The following SOX5 variants were observed in gnomAD, a reference collection of about 807,000 sequenced individuals.
SOX5 encodes SRY-box transcription factor 5, also known as transcription factor SOX-5.
In SOX5, 9 loss-of-function variants were observed where a neutral mutation model predicts 92.0. That is an observed-to-expected ratio of 0.10 (90% CI 0.06 to 0.17). The LOEUF is 0.17. Ranked by LOEUF, SOX5 falls within the 10% of genes least tolerant of loss-of-function variation. The pLI is 1.00. For synonymous variants in SOX5, 344 were observed against 336.3 expected, an observed-to-expected ratio of 1.02 and a Z score of -0.25; for missense variants, 642 against 944.5, an observed-to-expected ratio of 0.68 and a Z score of 4.20.
chr12:24,234,005 G>C (rs751427615), intron 3 of SOX5, among the ~76,000 whole-genome samples: 1 of 151,758 alleles, frequency 6.6e-6, no homozygotes, highest in African/African-American at 2.4e-5. Context: ...TCATGCTCTT[G>C]GTTCATATCC....
At chr12:24,036,972 C>T (rs566131322) in intron 4 of SOX5, among the ~76,000 whole-genome samples, 1 of 152,124 alleles carries the variant, frequency 6.6e-6, no homozygotes, top group East Asian at 1.9e-4. Flanking sequence ...CTTTGCAAGG[C>T]ATGTTATCAA....
intron 3 of SOX5, among the ~76,000 whole-genome samples, chr12:24,256,681 T>C (rs1941245559): frequency 6.6e-6 from 1 of 152,056 alleles, no homozygotes; most frequent in Admixed American, 6.5e-5. Flanking sequence ...GGGGAATGAC[T>C]GACTATCCAT....
chr12:24,049,596 A>G (rs766756973), intron 4 of SOX5, among the ~76,000 whole-genome samples: 25 of 150,684 alleles, frequency 1.7e-4, no homozygotes, highest in Admixed American at 3.3e-4. Context: ...AGTAGGTAAT[A>G]ATCAGATATC....
rs577493678 is a variant in SOX5, at chr12:24,171,825, C to T, written c.-2+41518G>A. ...GCAGCCTGGGCAACACAGCAAGACC[C>T]TGTCTCTATTTTTAAAAAAAAGAAG... On this transcript the variant is annotated intron_variant, in intron 4 of 4. Transcript: ENST00000446891. 7.2e-5 allele frequency among the ~76,000 whole-genome samples: 11 copies of T among 151,990 alleles called. No homozygotes were observed. In the East Asian group the frequency reaches 2.1e-3, roughly 30 times the overall value.
In SOX5 at chr12:23,728,539, A is replaced by G. The variant is rs200977026; in HGVS notation, c.810+6145T>C. Among the ~76,000 whole-genome samples the G allele has an allele frequency of 3.3e-5, 5 of 152,188 alleles. No individual in the cohort carries two copies. The East Asian group carries it at 5.8e-4, about 18-fold the overall frequency. On this transcript the variant is annotated intron_variant, in intron 6 of 14. Transcript: ENST00000451604. ...TCACCTGTAACATTATTATGTTTCA[A>G]TACAATATTTCAATGGATTTCCTTC...
At chr12:24,005,021 C>T (rs879268335) in intron 4 of SOX5, among the ~76,000 whole-genome samples, 23 of 152,072 alleles carry the variant, frequency 1.5e-4, no homozygotes, top group Non-Finnish European at 5.9e-5. Flanking sequence ...CAGAAGACTA[C>T]ATATTGTATG....
At chr12:24,076,697 GCCT>G (rs1942651177) in intron 4 of SOX5, among the ~76,000 whole-genome samples, 1 of 120,378 alleles carries the variant, frequency 8.3e-6, no homozygotes, top group Non-Finnish European at 1.7e-5. Flanking sequence ...ATCCAAAGCT[GCCT>G]TTTTTTTTTT....
intron 7 of SOX5, among the ~76,000 whole-genome samples, chr12:23,643,373 GT>G (rs2080381443): frequency 6.6e-6 from 1 of 152,138 alleles, no homozygotes; most frequent in South Asian, 2.1e-4. Flanking sequence ...AAAGAGTTCT[GT>G]TTTAGATATT....
At chr12:24,463,078 G>A (rs1217667852) in intron 1 of SOX5, among the ~76,000 whole-genome samples, 2 of 152,054 alleles carry the variant, frequency 1.3e-5, no homozygotes, top group African/African-American at 2.4e-5. Context: ...AATTAGCTGG[G>A]CATGGTGGTG....
intron 1 of SOX5, among the ~76,000 whole-genome samples, chr12:24,416,072 A>G (rs12303553): frequency 0.032 from 4,890 of 152,308 alleles, 263 homozygotes; most frequent in African/African-American, 0.11. Context: ...CTGCAGTGAG[A>G]CAGTGGGTGG....
intron 4 of SOX5, among the ~76,000 whole-genome samples, chr12:24,180,426 C>G (rs899910055): frequency 2.0e-5 from 3 of 152,106 alleles, no homozygotes; most frequent in Non-Finnish European, 2.9e-5. Flanking sequence ...ATGAATTAGT[C>G]CCCAGAATCC....
intron 3 of SOX5, among the ~76,000 whole-genome samples, chr12:24,228,923 C>A (rs569456076): frequency 3.0e-4 from 46 of 152,316 alleles, no homozygotes; most frequent in Admixed American, 2.7e-3. Context: ...CACTTAAGAA[C>A]TGCTATAAAT....
intron 2 of SOX5, 148 bp downstream of exon 2, chr12:23,895,643 ATT>A: frequency 1.6e-6 from 1 of 627,462 alleles, no homozygotes; most frequent in South Asian, 2.2e-5. Context: ...ATTGGAACAA[ATT>A]TAAAGAATTC....
chr12:23,544,975 C>T (rs1002239787), intron 12 of SOX5, among the ~76,000 whole-genome samples: 3 of 152,130 alleles, frequency 2.0e-5, no homozygotes, highest in African/African-American at 4.8e-5. Flanking sequence ...TTTAAATGTA[C>T]ATAGGCTAGG....
At chr12:24,425,307 C>T (rs1285499922) in intron 1 of SOX5, among the ~76,000 whole-genome samples, 1 of 152,212 alleles carries the variant, frequency 6.6e-6, no homozygotes, top group Non-Finnish European at 1.5e-5. Context: ...ATGCTTCTTA[C>T]TCAACACACA....
chr12:23,619,089 C>T (rs557183157), intron 8 of SOX5, among the ~76,000 whole-genome samples: 19 of 152,242 alleles, frequency 1.2e-4, no homozygotes, highest in African/African-American at 4.6e-4. Context: ...ACAAACAACA[C>T]ATATGAGAGG....
At chr12:24,471,514 A>C (rs963600647) in intron 1 of SOX5, among the ~76,000 whole-genome samples, 3 of 152,210 alleles carry the variant, frequency 2.0e-5, no homozygotes, top group African/African-American at 7.2e-5. Context: ...AAGATGTATG[A>C]GATTAAGTTA....
chr12:24,054,697 T>C (rs1957925512), intron 4 of SOX5, among the ~76,000 whole-genome samples: 1 of 152,098 alleles, frequency 6.6e-6, no homozygotes, highest in Non-Finnish European at 1.5e-5. Context: ...AAATTTCTCT[T>C]CAAAACATAA....
At chr12:24,548,035 GA>G (rs1318376974) in intron 1 of SOX5, among the ~76,000 whole-genome samples, 1 of 152,172 alleles carries the variant, frequency 6.6e-6, no homozygotes, top group East Asian at 1.9e-4. Context: ...ATGTGCCGGA[GA>G]TTTTTTTAAG....
Sources: allele counts gnomAD v4.1 joint callset (sites outside exome capture counted in the v4.1 genomes callset), GRCh38; gene constraint gnomAD v4.1.1; transcripts MANE v1.5; gene names NCBI Gene and HGNC (gene_info 2026-07-23, HGNC 2026-07-21).